RNASE10: variants seen among roughly 807,000 people sequenced by gnomAD.
RNASE10 encodes ribonuclease A family member 10 (inactive).
RNASE10 carries 2 observed loss-of-function variants against 1.1 expected under a neutral mutation model. That is an observed-to-expected ratio of 1.82 (90% CI 0.74 to 5.73). RNASE10 has a LOEUF of 5.73. Ranked by LOEUF, RNASE10 falls within the 30% of genes most tolerant of loss-of-function variation. The pLI, the probability that RNASE10 is intolerant of heterozygous loss-of-function variation, is 0.05. For synonymous variants in RNASE10, 97 were observed against 96.2 expected, an observed-to-expected ratio of 1.01 and a Z score of -0.05; for missense variants, 276 against 263.4, an observed-to-expected ratio of 1.05 and a Z score of -0.33.
At chr14:20,507,312 A>G (rs1233566184) in intron 1 of RNASE10, among the ~76,000 whole-genome samples, 2 of 133,726 alleles carry the variant, frequency 1.5e-5, no homozygotes. Context: ...CTGTGACCTT[A>G]TCCCCAACCC....
downstream of RNASE10, chr14:20,511,265 G>A (rs1882894718): frequency 1.6e-6 from 1 of 607,558 alleles, no homozygotes; most frequent in Non-Finnish European, 2.6e-6. Flanking sequence ...CTTGCATTTT[G>A]TTCCTAGGAT....
chr14:20,507,106 G>A (rs1322813803), intron 1 of RNASE10, among the ~76,000 whole-genome samples: 1 of 149,984 alleles, frequency 6.7e-6, no homozygotes, highest in Non-Finnish European at 1.5e-5. Flanking sequence ...ACCCCGTCTG[G>A]GAGGTGTGCC....
At chr14:20,506,196 C>T in intron 1 of RNASE10, among the ~76,000 whole-genome samples, 177 bp downstream of exon 1, 2 of 133,592 alleles carry the variant, frequency 1.5e-5, no homozygotes, top group Admixed American at 7.3e-5. Flanking sequence ...GGGGGGTCAG[C>T]CCCCCGCCCG....
chr14:20,504,503 C>T (rs371903970), upstream of RNASE10, among the ~76,000 whole-genome samples: 19 of 151,670 alleles, frequency 1.3e-4, no homozygotes, highest in East Asian at 7.7e-4. Flanking sequence ...CTGGCTAACA[C>T]GGTGAAACCC....
rs375096247 is a variant in RNASE10, at chr14:20,509,953, CAAAA to C, written c.80-500_80-497del. 1.8e-3 allele frequency among the ~76,000 whole-genome samples: 215 copies of C among 121,550 alleles called. 1 individual carries two copies. The highest frequency in any genetic ancestry group is 6.1e-3 in the African/African-American group (188 of 30,684). The allele number at this position is 121,550 out of a possible 152,430, so 79.7% of individuals were successfully genotyped here. A position where few individuals can be genotyped will look rare whatever the true frequency, so the allele number is the denominator to read the frequency against. On this transcript the variant is annotated intron_variant, in intron 1 of 1. Transcript: ENST00000430083. ...CTGGGCAACATAGCGAGACTCGTCT[CAAAA>C]AAAAAAAAAAAAAGAGCTGGGCATG...
chr14:20,510,539 T>G, exon 2 of RNASE10: 1 of 1,614,142 alleles, frequency 6.2e-7, no homozygotes, highest in Non-Finnish European at 8.5e-7. Flanking sequence ...GGGATGGGCC[T>G]GGGGTTGGGA....
At chr14:20,506,380 C>A (rs1475183825) in intron 1 of RNASE10, among the ~76,000 whole-genome samples, 2 of 127,862 alleles carry the variant, frequency 1.6e-5, no homozygotes, top group Non-Finnish European at 3.4e-5. Flanking sequence ...TGCCCGGCCG[C>A]CCCTACTGGG....
intron 1 of RNASE10, among the ~76,000 whole-genome samples, chr14:20,508,447 C>T (rs992172205): frequency 1.3e-5 from 2 of 152,172 alleles, no homozygotes; most frequent in African/African-American, 2.4e-5. Flanking sequence ...CTTTGTCCAG[C>T]GTGTCCATGT....
chr14:20,506,720 G>C (rs1309362527), intron 1 of RNASE10, among the ~76,000 whole-genome samples: 2 of 114,314 alleles, frequency 1.7e-5, no homozygotes, highest in African/African-American at 3.6e-5. Flanking sequence ...AGGTGGGGGG[G>C]TCAGCCCCCC....
At chr14:20,506,436 G>A (rs1235070866) in intron 1 of RNASE10, among the ~76,000 whole-genome samples, 7 of 127,084 alleles carry the variant, frequency 5.5e-5, no homozygotes, top group South Asian at 2.7e-4. Flanking sequence ...TCCGGGAGGG[G>A]GGAGGGGGGG....
chr14:20,511,274 AT>A, downstream of RNASE10: 1 of 560,338 alleles, frequency 1.8e-6, no homozygotes, highest in Non-Finnish European at 2.9e-6. Context: ...TGTTCCTAGG[AT>A]TAGAGATGGT....
At chr14:20,511,032 T>G (rs777852060) in exon 2 of RNASE10, 1 of 1,556,622 alleles carries the variant, frequency 6.4e-7, no homozygotes, top group East Asian at 2.3e-5. Context: ...ACCAGGTCAC[T>G]CCTAACTGCA....
Position 20,510,518 on chromosome 14 carries a change from T to C in RNASE10, c.131T>C (p.Leu44Pro), listed in dbSNP as rs1207529103. Residue 44 changes from leucine (L) to proline (P), a missense_variant, in exon 2 of 2, where the codon CTG becomes CCG. Coordinates refer to ENST00000430083, the Ensembl canonical transcript of RNASE10. ...ATCTTTTTCATGTTGCTGATGCTGC[T>C]GCTGGGCCTGGGGATGGGCCTGGGG... 4.3e-6 allele frequency: 7 copies of C among 1,613,780 alleles called. No homozygotes were observed. In the African/African-American group the frequency reaches 8.0e-5, roughly 18 times the overall value.
chr14:20,505,261 G>T (rs113599984), upstream of RNASE10, among the ~76,000 whole-genome samples: 8,589 of 51,114 alleles, frequency 0.17, 895 homozygotes, highest in South Asian at 0.27. Flanking sequence ...AAGTGAGTTT[G>T]CTCCCTCTCC....
chr14:20,511,619 C>G (rs1262331753), downstream of RNASE10, among the ~76,000 whole-genome samples: 1 of 152,108 alleles, frequency 6.6e-6, no homozygotes, highest in Non-Finnish European at 1.5e-5. Context: ...CTTCCTTTTC[C>G]GAGCTTGGAA....
At chr14:20,505,280 C>CTCCCTCTCCCTA, upstream of RNASE10, among the ~76,000 whole-genome samples, 1 of 5,546 alleles carries the variant, frequency 1.8e-4, no homozygotes, top group Middle Eastern at 0.019. Flanking sequence ...CCCTCTCCCT[C>CTCCCTCTCCCTA]TCCCTCTCCC....
At chr14:20,513,476 G>C (rs964861570), downstream of RNASE10, among the ~76,000 whole-genome samples, 1 of 152,010 alleles carries the variant, frequency 6.6e-6, no homozygotes, top group Non-Finnish European at 1.5e-5. Context: ...ACACTTCCAG[G>C]ATCTGTGTTG....
At chr14:20,510,315 G>C in intron 1 of RNASE10, 152 bp from the exon 2 acceptor site, 2 of 1,160,498 alleles carry the variant, frequency 1.7e-6, no homozygotes, top group Non-Finnish European at 2.4e-6. Flanking sequence ...GGAATGGAAA[G>C]AGAAATCGCT....
At chr14:20,511,547 A>C (rs888611788), downstream of RNASE10, among the ~76,000 whole-genome samples, 1 of 152,088 alleles carries the variant, frequency 6.6e-6, no homozygotes, top group Non-Finnish European at 1.5e-5. Context: ...GCACTTCTCT[A>C]TTGCGGATGA....
Sources: gnomAD v4.1 joint callset for allele counts (sites outside exome capture counted in the v4.1 genomes callset) on GRCh38, gnomAD v4.1.1 for gene constraint, MANE v1.5 for transcripts, NCBI Gene and HGNC (gene_info 2026-07-23, HGNC 2026-07-21) for gene names.